SPTBN2: variants seen among roughly 807,000 people sequenced by gnomAD.
SPTBN2 encodes the protein spectrin beta, non-erythrocytic 2, also known as spectrin beta chain, non-erythrocytic 2.
In SPTBN2, 107 loss-of-function variants were observed where a neutral mutation model predicts 284.2. The observed-to-expected ratio is 0.38, with a 90% CI of 0.32 to 0.44. SPTBN2 has a LOEUF of 0.44. Among genes scored for constraint, SPTBN2 ranks in the 20% least tolerant of loss-of-function variants. The pLI is 1.00. For synonymous variants in SPTBN2, 1,289 were observed against 1,354.8 expected (o/e 0.95, Z 1.07); for missense variants, 2,569 against 3,287.1 (o/e 0.78, Z 5.34).
chr11:66,689,061 T>G, intron 30 of SPTBN2, 35 bp downstream of exon 30: 1 of 1,579,854 alleles, frequency 6.3e-7, no homozygotes, highest in Non-Finnish European at 8.6e-7. Context: ...TGCCCCCCAC[T>G]CCCCACAGGG....
In SPTBN2 at chr11:66,706,547, T is replaced by A. The variant is rs536288729; in HGVS notation, c.1654-710A>T. Among the ~76,000 whole-genome samples the A allele has an allele frequency of 2.0e-5, 3 of 152,154 alleles. No individual in the cohort carries two copies. The South Asian group carries it at 6.2e-4, about 32-fold the overall frequency. On this transcript the variant is annotated intron_variant, in intron 13 of 37. Transcript: ENST00000533211. ...GGTTTCACCATGTTGGCCAGGCTGG[T>A]CTTGGACTCCTGACCTCAGGTGATC...
chr11:66,722,173 G>A (rs1248180592), intron 1 of SPTBN2, among the ~76,000 whole-genome samples: 1 of 152,176 alleles, frequency 6.6e-6, no homozygotes, highest in Admixed American at 6.5e-5. Flanking sequence ...CTCAATAAAT[G>A]TCGGCTGTGA....
chr11:66,730,573 T>TC (rs2085611064), upstream of SPTBN2, among the ~76,000 whole-genome samples: 1 of 138,732 alleles, frequency 7.2e-6, no homozygotes, highest in South Asian at 2.3e-4. Flanking sequence ...AGAACGAGAC[T>TC]CCATCTCCAA....
In SPTBN2 at chr11:66,682,807, G is replaced by T. The variant is rs991730113; in HGVS notation, c.*3064C>A. On this transcript the variant is annotated 3_prime_UTR_variant, in exon 38 of 38. Transcript: ENST00000533211. ...AGACAGGGTCTCACTTTATTGCCTA[G>T]ACTGGAGTGCAGTGGCATGATCTCG... 6.6e-6 allele frequency among the ~76,000 whole-genome samples: 1 copy of T among 151,460 alleles called. No individual in the cohort carries two copies. Among genetic ancestry groups the T allele is most frequent in the Non-Finnish European group, 1.5e-5 (1 of 67,936 alleles).
At chr11:66,736,774 A>G (rs1394268681) in intron 1 of SPTBN2, among the ~76,000 whole-genome samples, 1 of 152,208 alleles carries the variant, frequency 6.6e-6, no homozygotes, top group East Asian at 1.9e-4. Context: ...TCAGAGAAGA[A>G]TAGGTTTTGT....
In SPTBN2 at chr11:66,708,925, G is replaced by C; in HGVS notation, c.1168C>G (p.Arg390Gly). The C allele has an allele frequency of 6.2e-7, 1 of 1,614,002 alleles. No homozygotes were observed. ...ACCTTGTTGATGTCCGAGATGAGCCGGCCCTCGCGGGGCGTGTAGACCTTC... is the reference window on the plus strand; with the variant it reads ...ACCTTGTTGATGTCCGAGATGAGCCCGCCCTCGCGGGGCGTGTAGACCTTC... ...NQKVYTPREG[R>G]LISDINKAWE... is the part of the protein sequence containing the mutation. Residue 390 changes from arginine (R) to glycine (G), a missense_variant, in exon 11 of 38, where the codon CGG becomes GGG. Physicochemically the swap from Arg to Gly is moderately radical, Grantham distance 125. Transcript: ENST00000533211. The surrounding 1 kb of genome is among the most constrained non-coding windows in gnomAD (Gnocchi z 4.4).
chr11:66,689,224 G>GT (rs1940365636), intron 29 of SPTBN2, 44 bp from the exon 30 acceptor site: 1 of 1,574,892 alleles, frequency 6.3e-7, no homozygotes, highest in Admixed American at 1.8e-5. Context: ...CAGGATGTGA[G>GT]ATCTTTCCAC....
chr11:66,695,696 C>T (rs1453200824), intron 21 of SPTBN2, among the ~76,000 whole-genome samples: 1 of 152,128 alleles, frequency 6.6e-6, no homozygotes. Flanking sequence ...AGTTTTCTGA[C>T]CCCTGCTATA....
At chr11:66,723,149 C>G (rs1942496128) in intron 1 of SPTBN2, among the ~76,000 whole-genome samples, 1 of 151,756 alleles carries the variant, frequency 6.6e-6, no homozygotes, top group Non-Finnish European at 1.5e-5. Flanking sequence ...CTAACTTACG[C>G]AAACACACTC....
At chr11:66,698,958 C>A (rs747354635) in intron 19 of SPTBN2, 34 bp downstream of exon 19, 1 of 1,612,138 alleles carries the variant, frequency 6.2e-7, no homozygotes, top group Non-Finnish European at 8.5e-7. Context: ...AAAGGGATGG[C>A]TAGGGAATAT....
chr11:66,694,556 GA>G (rs1229205761), intron 21 of SPTBN2, among the ~76,000 whole-genome samples, 193 bp from the exon 22 acceptor site: 2 of 152,160 alleles, frequency 1.3e-5, no homozygotes, highest in Non-Finnish European at 2.9e-5. Context: ...GGCAGGGGTT[GA>G]AAAAATCCCT....
intron 3 of SPTBN2, among the ~76,000 whole-genome samples, chr11:66,717,975 G>A (rs1361442536): frequency 6.6e-6 from 1 of 152,130 alleles, no homozygotes. Context: ...CTGCCCCCGT[G>A]TACACATTCA....
chr11:66,690,930 G>A (rs1180213516), intron 27 of SPTBN2, among the ~76,000 whole-genome samples: 2 of 152,134 alleles, frequency 1.3e-5, no homozygotes, highest in African/African-American at 4.8e-5. Flanking sequence ...TGATTCTCCT[G>A]CCTCAGCCTC....
chr11:66,694,399 G>A (rs759992680), intron 21 of SPTBN2, 36 bp from the exon 22 acceptor site: 3 of 1,600,750 alleles, frequency 1.9e-6, no homozygotes, highest in Non-Finnish European at 2.6e-6. Flanking sequence ...TGTTAGCTCT[G>A]CATTTCCGCC....
At chr11:66,716,206 G>T (rs561345693) in intron 3 of SPTBN2, among the ~76,000 whole-genome samples, 1 of 152,296 alleles carries the variant, frequency 6.6e-6, no homozygotes, top group East Asian at 1.9e-4. Context: ...GGCGAAGGTT[G>T]GGTGTGGTGG....
At chr11:66,740,722 C>G (rs1942890234) in intron 1 of SPTBN2, among the ~76,000 whole-genome samples, 1 of 152,194 alleles carries the variant, frequency 6.6e-6, no homozygotes, top group South Asian at 2.1e-4. Flanking sequence ...GGATGGGAAA[C>G]AGCTTAATAG....
rs1474410099 is a variant in SPTBN2, at chr11:66,684,513, T to C, written c.*1358A>G. 6.6e-6 allele frequency among the ~76,000 whole-genome samples: 1 copy of C among 151,674 alleles called. No homozygotes were observed. The highest frequency in any genetic ancestry group is 1.9e-4 in the East Asian group (1 of 5,164). ...AGTCGGGTATGATGGCATGTGCCTG[T>C]GGTTCAGGCTACTCGGGAGGCTGAG... On this transcript the variant is annotated 3_prime_UTR_variant, in exon 38 of 38. Coordinates refer to ENST00000533211, the MANE Select transcript of SPTBN2 (RefSeq NM_006946.4).
In SPTBN2 at chr11:66,687,877, G is replaced by A. The variant is rs538798368; in HGVS notation, c.6492C>T (p.Pro2164=). 70 of 1,614,116 alleles carry A rather than the reference G, an allele frequency of 4.3e-5. No individual in the cohort carries two copies. In the South Asian group the frequency reaches 4.6e-4, roughly 11 times the overall value. ...GQQRLEHSSF[P]EGPGPGSGDE... ...TTGCAGGGGAACTCACCGGCCCTTC[G>A]GGGAAGCTGCTGTGCTCAAGTCTCT... The change falls in exon 34 of 38, where the codon CCC becomes CCT. Residue 2164 remains proline, a synonymous_variant. Transcript: ENST00000533211. This position sits in a 1 kb window ranked among gnomAD's most constrained non-coding sequence, Gnocchi z 5.2.
chr11:66,686,900 A>G, intron 36 of SPTBN2, 94 bp downstream of exon 36: 2 of 1,562,540 alleles, frequency 1.3e-6, no homozygotes, highest in Non-Finnish European at 1.7e-6. Flanking sequence ...CAGGCTCCTT[A>G]CAGGAACTCC....
Sources: allele counts gnomAD v4.1 joint callset (sites outside exome capture counted in the v4.1 genomes callset), GRCh38; gene constraint gnomAD v4.1.1; non-coding constraint Gnocchi (gnomAD v3.1); transcripts MANE v1.5; gene names NCBI Gene and HGNC (gene_info 2026-07-23, HGNC 2026-07-21).